Variants in GRM7 observed in about 807,000 individuals in gnomAD.
GRM7 encodes the protein metabotropic glutamate receptor 7.
In GRM7, 35 loss-of-function variants were observed where a neutral mutation model predicts 84.5. That is an observed-to-expected ratio of 0.41 (90% CI 0.32 to 0.55). GRM7 has a LOEUF of 0.55. Ranked by LOEUF, GRM7 falls within the 20% of genes least tolerant of loss-of-function variation. The pLI is 0.19. For synonymous variants in GRM7, 487 were observed against 455.1 expected (o/e 1.07, Z -0.89); for missense variants, 1,003 against 1,194.6 (o/e 0.84, Z 2.36).
intron 8 of GRM7, among the ~76,000 whole-genome samples, chr3:7,618,507 G>T (rs528047313): frequency 6.6e-6 from 1 of 152,004 alleles, no homozygotes; most frequent in Non-Finnish European, 1.5e-5. Flanking sequence ...GGACAACTTG[G>T]GTTTTTTTAA....
At chr3:7,322,433 GTTT>G (rs563098674) in intron 4 of GRM7, among the ~76,000 whole-genome samples, 2 of 150,786 alleles carry the variant, frequency 1.3e-5, no homozygotes, top group African/African-American at 4.9e-5. Context: ...TGGGGAACAG[GTTT>G]TTTTTTGTTG....
intron 1 of GRM7, among the ~76,000 whole-genome samples, chr3:6,946,075 T>A (rs1698068112): frequency 6.6e-6 from 1 of 152,206 alleles, no homozygotes; most frequent in Admixed American, 6.5e-5. Flanking sequence ...TAGATCCCAT[T>A]TGTCAATTTT....
At chr3:7,624,587 T>C (rs1239872383) in intron 8 of GRM7, among the ~76,000 whole-genome samples, 1 of 152,146 alleles carries the variant, frequency 6.6e-6, no homozygotes, top group Non-Finnish European at 1.5e-5. Flanking sequence ...CTAGAACAGA[T>C]TATGAATTCT....
intron 1 of GRM7, among the ~76,000 whole-genome samples, chr3:6,931,453 G>A (rs1453828029): frequency 3.3e-5 from 5 of 152,248 alleles, no homozygotes; most frequent in South Asian, 2.1e-4. Flanking sequence ...TTACGTGGCT[G>A]TAGAGTCCAT....
intron 4 of GRM7, 109 bp downstream of exon 4, chr3:7,306,761 G>T (rs931689058): frequency 2.2e-6 from 2 of 894,070 alleles, no homozygotes; most frequent in Non-Finnish European, 1.7e-6. Flanking sequence ...ACTCATGTGG[G>T]GTTGTTTCAA....
chr3:6,889,911 C>A (rs984226557), intron 1 of GRM7, among the ~76,000 whole-genome samples: 2 of 152,142 alleles, frequency 1.3e-5, no homozygotes, highest in African/African-American at 2.4e-5. Flanking sequence ...AATTTCAGAG[C>A]CTGTTATTGG....
intron 1 of GRM7, among the ~76,000 whole-genome samples, chr3:6,977,803 G>T (rs1436677956): frequency 6.6e-6 from 1 of 152,074 alleles, no homozygotes; most frequent in Admixed American, 6.6e-5. Flanking sequence ...ATAAATTCTT[G>T]GAAAAGTGTT....
chr3:7,274,757 G>C (rs1028551255), intron 2 of GRM7, among the ~76,000 whole-genome samples: 36 of 151,818 alleles, frequency 2.4e-4, no homozygotes, highest in African/African-American at 8.7e-4. Context: ...TAGTTTTGTT[G>C]TTGTTGTTGT....
intron 1 of GRM7, among the ~76,000 whole-genome samples, chr3:6,989,825 C>T (rs1341048111): frequency 6.6e-6 from 1 of 152,230 alleles, no homozygotes; most frequent in Non-Finnish European, 1.5e-5. Flanking sequence ...CTAGTGTTAT[C>T]TTGGGACCCA....
intron 1 of GRM7, among the ~76,000 whole-genome samples, chr3:6,881,785 A>G (rs1251217165): frequency 1.3e-5 from 2 of 152,176 alleles, no homozygotes; most frequent in African/African-American, 4.8e-5. Context: ...TAATGTGGCC[A>G]CACTCAGATG....
chr3:7,138,816 C>T (rs1328000687), intron 1 of GRM7, among the ~76,000 whole-genome samples: 1 of 151,182 alleles, frequency 6.6e-6, no homozygotes, highest in East Asian at 1.9e-4. Flanking sequence ...TTATTAAATT[C>T]AGTGAAAGAA....
chr3:7,348,604 A>G lies in GRM7; in HGVS notation c.1033+41952A>G, dbSNP rs570620871. Among the ~76,000 whole-genome samples, 3 of 152,274 alleles carry G rather than the reference A, an allele frequency of 2.0e-5. No homozygotes were observed. In the South Asian group the frequency reaches 6.2e-4, roughly 32 times the overall value. Reference sequence around the variant, plus strand: ...ATCAGCAGGTGGCATTTGTCCACACAATGATTCAAGGACCCAGACTCCTCT... The same window carrying G: ...ATCAGCAGGTGGCATTTGTCCACACGATGATTCAAGGACCCAGACTCCTCT... On this transcript the variant is annotated intron_variant, in intron 4 of 9. Transcript: ENST00000357716.
At chr3:7,142,647 A>C (rs544328382) in intron 1 of GRM7, among the ~76,000 whole-genome samples, 1 of 152,272 alleles carries the variant, frequency 6.6e-6, no homozygotes. Context: ...GGGGATACAA[A>C]GCCTAACCAT....
chr3:7,578,580 G>A lies in GRM7; in HGVS notation c.1674G>A (p.Met558Ile). 6.2e-7 allele frequency: 1 copy of A among 1,614,020 alleles called. No homozygotes were observed. The highest frequency in any genetic ancestry group is 8.5e-7 in the Non-Finnish European group (1 of 1,179,986). ...GTTACCAGTACCAGTTTGATGAGAT[G>A]ACATGCCAGCATTGCCCCTATGACC... Reference protein sequence around the residue: ...CDGYQYQFDEMTCQHCPYDQR... With the variant: ...CDGYQYQFDEITCQHCPYDQR... Residue 558 changes from methionine (M) to isoleucine (I), a missense_variant, in exon 8 of 10, where the codon ATG becomes ATA. Physicochemically the swap from Met to Ile is conservative, Grantham distance 10. Around this residue, in one of 2 missense-constraint regions of GRM7, gnomAD observed 910 missense variants for 1,126.0 expected, o/e 0.81. Coordinates refer to ENST00000357716, the MANE Select transcript of GRM7 (RefSeq NM_000844.4).
chr3:7,059,254 G>A (rs1264468904), intron 1 of GRM7, among the ~76,000 whole-genome samples: 1 of 151,634 alleles, frequency 6.6e-6, no homozygotes, highest in African/African-American at 2.4e-5. Flanking sequence ...ACAGGACAGA[G>A]AAATTGATTT....
intron 2 of GRM7, among the ~76,000 whole-genome samples, chr3:7,223,293 AT>A (rs924961254): frequency 7.9e-5 from 12 of 151,398 alleles, no homozygotes; most frequent in African/African-American, 1.9e-4. Context: ...ATTTGATTGT[AT>A]TTTTTTTGTC....
chr3:7,591,344 G>C (rs1455777173), intron 8 of GRM7: 2 of 259,774 alleles, frequency 7.7e-6, no homozygotes, highest in East Asian at 1.1e-4. Context: ...TCAGTCTTCA[G>C]AACAGTAAAG....
At chr3:7,636,290 G>C in intron 8 of GRM7, 2 of 456,658 alleles carry the variant, frequency 4.4e-6, no homozygotes, top group Non-Finnish European at 8.8e-6. Flanking sequence ...AGATAATGGA[G>C]ACGCAGCAAT....
At chr3:7,529,722 T>A (rs1476170165) in intron 7 of GRM7, among the ~76,000 whole-genome samples, 2 of 152,000 alleles carry the variant, frequency 1.3e-5, no homozygotes, top group Non-Finnish European at 2.9e-5. Flanking sequence ...TTGTTTCTAC[T>A]CTCCATCCTC....
Sources: gnomAD v4.1 joint callset for allele counts (sites outside exome capture counted in the v4.1 genomes callset) on GRCh38, gnomAD v4.1.1 for gene constraint, gnomAD v4.1.1 regional missense constraint, MANE v1.5 for transcripts, NCBI Gene and HGNC (gene_info 2026-07-23, HGNC 2026-07-21) for gene names.